TRPS1: variants seen among roughly 807,000 people sequenced by gnomAD.
TRPS1 encodes the protein zinc finger transcription factor Trps1.
Under a neutral mutation model 101.2 loss-of-function variants are expected in TRPS1, and 6 were observed. The ratio of observed to expected loss-of-function variants is 0.06; its 90% confidence interval spans 0.03 to 0.12. The LOEUF is 0.12. Ranked by LOEUF, TRPS1 falls within the 10% of genes least tolerant of loss-of-function variation. The pLI is 1.00. For missense variants in TRPS1, 1,363 were observed against 1,567.0 expected, an observed-to-expected ratio of 0.87 and a Z score of 2.20; for synonymous variants, 578 against 589.8, an observed-to-expected ratio of 0.98 and a Z score of 0.29.
chr8:115,569,737 T>C (rs1267550588), intron 5 of TRPS1, among the ~76,000 whole-genome samples: 4 of 152,112 alleles, frequency 2.6e-5, no homozygotes, highest in African/African-American at 4.8e-5. Flanking sequence ...CAGTATCTAA[T>C]ATTCTAAAAT....
intron 1 of TRPS1, among the ~76,000 whole-genome samples, chr8:115,664,119 T>A: frequency 6.6e-6 from 1 of 152,050 alleles, no homozygotes; most frequent in East Asian, 1.9e-4. Context: ...GAGGATAAAT[T>A]TTAAAAAGTA....
rs1812965440 is a variant in TRPS1, at chr8:115,418,101, CCT to C, written c.2823+227_2823+228del. On this transcript the variant is annotated intron_variant, in intron 6 of 6. Coordinates refer to ENST00000395715, the MANE Select transcript of TRPS1 (RefSeq NM_014112.5). This position sits in a 1 kb window ranked among gnomAD's most constrained non-coding sequence, Gnocchi z 4.3. ...GAAGTTCCCAGAAATCAATCATTTT[CCT>C]CTTTTATATCAAAAGAAGCATAATG... Among the ~76,000 whole-genome samples the C allele has an allele frequency of 6.6e-6, 1 of 152,144 alleles. No individual in the cohort carries two copies. Among genetic ancestry groups the C allele is most frequent in the Non-Finnish European group, 1.5e-5 (1 of 68,026 alleles).
intron 5 of TRPS1, among the ~76,000 whole-genome samples, chr8:115,482,803 T>C (rs993562079): frequency 6.6e-6 from 1 of 152,160 alleles, no homozygotes; most frequent in Non-Finnish European, 1.5e-5. Flanking sequence ...TGAGGATCCA[T>C]ATCCTGTGGG....
intron 3 of TRPS1, among the ~76,000 whole-genome samples, chr8:115,611,764 T>C (rs1818173263): frequency 6.6e-6 from 1 of 152,190 alleles, no homozygotes; most frequent in Non-Finnish European, 1.5e-5. Context: ...GCCGAGGCAT[T>C]ATCAAATCGT....
intron 1 of TRPS1, chr8:115,637,290 G>A: frequency 1.0e-6 from 1 of 985,418 alleles, no homozygotes; most frequent in Non-Finnish European, 1.2e-6. Flanking sequence ...CAGTTGATGA[G>A]GCTGGACCAC....
At chr8:115,493,301 C>T (rs1393289397) in intron 5 of TRPS1, among the ~76,000 whole-genome samples, 1 of 152,282 alleles carries the variant, frequency 6.6e-6, no homozygotes. Flanking sequence ...GGCATATAGC[C>T]TTTAAAACAT....
At chr8:115,522,318 G>T (rs1815885476) in intron 5 of TRPS1, among the ~76,000 whole-genome samples, 1 of 151,952 alleles carries the variant, frequency 6.6e-6, no homozygotes, top group Non-Finnish European at 1.5e-5. Flanking sequence ...GACTATAAAT[G>T]ATAGATATAT....
Position 115,603,932 on chromosome 8 carries a change from G to C in TRPS1, c.2037C>G (p.His679Gln). 6.2e-7 allele frequency: 1 copy of C among 1,614,002 alleles called. No individual in the cohort carries two copies. Among genetic ancestry groups the C allele is most frequent in the Non-Finnish European group, 8.5e-7 (1 of 1,179,952 alleles). ...TAATAAAATCACATTTGGTACATGA[G>C]TGTTCTTTGCTTTCCTTGACAGACT... is the stretch of plus-strand genomic sequence containing the variant. ...GQQSVKESKE[H>Q]SCTKCDFITQ... is the part of the protein sequence containing the mutation. The change falls in exon 4 of 7, where the codon CAC (histidine) becomes CAG (glutamine). Residue 679 changes from histidine (H) to glutamine (Q), a missense_variant. Physicochemically the swap from His to Gln is conservative, Grantham distance 24 (BLOSUM62 0). Around this residue, in one of 5 missense-constraint regions of TRPS1, gnomAD observed 1,020 missense variants for 1,073.0 expected, o/e 0.95. Coordinates refer to ENST00000395715, the MANE Select transcript of TRPS1 (RefSeq NM_014112.5).
Position 115,463,242 on chromosome 8 carries a change from G to A in TRPS1, c.2701-44790C>T, listed in dbSNP as rs369076260. 2.1e-4 allele frequency among the ~76,000 whole-genome samples: 32 copies of A among 152,236 alleles called. No homozygotes were observed. The East Asian group carries it at 2.9e-3, about 14-fold the overall frequency. ...CAGAGCTTAGGTGGAAACTTATTCC[G>A]TGACTACGATTCCTCTTAGGTGTAC... On this transcript the variant is annotated intron_variant, in intron 5 of 6. Transcript: ENST00000395715.
chr8:115,446,833 G>A (rs1486304088), intron 5 of TRPS1, among the ~76,000 whole-genome samples: 1 of 152,074 alleles, frequency 6.6e-6, no homozygotes, highest in Admixed American at 6.6e-5. Context: ...GCTCTATTCT[G>A]ACGTCTTTTT....
chr8:115,552,021 C>G (rs1317821037), intron 5 of TRPS1, among the ~76,000 whole-genome samples: 2 of 152,058 alleles, frequency 1.3e-5, no homozygotes, highest in African/African-American at 4.8e-5. Context: ...AATTATTGGT[C>G]CCTGACAAGT....
chr8:115,514,367 CTG>C (rs1325137605), intron 5 of TRPS1, among the ~76,000 whole-genome samples: 1 of 151,652 alleles, frequency 6.6e-6, no homozygotes, highest in African/African-American at 2.4e-5. Context: ...CACTCGTCAG[CTG>C]TGTAATGTTT....
chr8:115,529,766 G>C (rs1816086876), intron 5 of TRPS1, among the ~76,000 whole-genome samples: 1 of 152,092 alleles, frequency 6.6e-6, no homozygotes, highest in South Asian at 2.1e-4. Context: ...CAGAACTATA[G>C]AAAATGAGAG....
At chr8:115,566,810 A>G (rs987639356) in intron 5 of TRPS1, among the ~76,000 whole-genome samples, 1 of 152,098 alleles carries the variant, frequency 6.6e-6, no homozygotes, top group East Asian at 1.9e-4. Flanking sequence ...AGAGATCTGT[A>G]ATTAAAAATG....
At chr8:115,485,820 T>C in intron 5 of TRPS1, among the ~76,000 whole-genome samples, 1 of 152,172 alleles carries the variant, frequency 6.6e-6, no homozygotes, top group Non-Finnish European at 1.5e-5. Flanking sequence ...AACTGCAGGA[T>C]GGTCAGGAGA....
chr8:115,474,751 C>T (rs991588874), intron 5 of TRPS1, among the ~76,000 whole-genome samples: 2 of 151,894 alleles, frequency 1.3e-5, no homozygotes, highest in Non-Finnish European at 2.9e-5. Flanking sequence ...TTCAAATGTA[C>T]AAAATGTAAA....
chr8:115,541,864 TC>T (rs1422586219), intron 5 of TRPS1, among the ~76,000 whole-genome samples: 2 of 152,240 alleles, frequency 1.3e-5, no homozygotes, highest in African/African-American at 4.8e-5. Flanking sequence ...AACCCTTATA[TC>T]CACACACAGC....
intron 5 of TRPS1, among the ~76,000 whole-genome samples, chr8:115,435,998 TCACACACACACACA>T (rs4027183): frequency 2.8e-3 from 370 of 134,078 alleles, no homozygotes; most frequent in African/African-American, 8.9e-3. Context: ...AAATGAGAAA[TCACACACACACACA>T]CACACACACA....
intron 5 of TRPS1, among the ~76,000 whole-genome samples, chr8:115,493,304 T>C (rs1164572553): frequency 6.6e-6 from 1 of 152,246 alleles, no homozygotes; most frequent in Non-Finnish European, 1.5e-5. Flanking sequence ...ATATAGCCTT[T>C]AAAACATATT....
Sources: allele counts gnomAD v4.1 joint callset (sites outside exome capture counted in the v4.1 genomes callset), GRCh38; gene constraint gnomAD v4.1.1; regional missense constraint gnomAD v4.1.1; non-coding constraint Gnocchi (gnomAD v3.1); transcripts MANE v1.5; gene names NCBI Gene and HGNC (gene_info 2026-07-23, HGNC 2026-07-21).